Variants in NRG1 observed in about 807,000 individuals in gnomAD.
NRG1 encodes the protein pro-neuregulin-1, membrane-bound isoform.
NRG1 carries 18 observed loss-of-function variants against 63.8 expected under a neutral mutation model. The ratio of observed to expected loss-of-function variants is 0.28; its 90% CI spans 0.19 to 0.42. The LOEUF is 0.42. Ranked by LOEUF, NRG1 falls within the 10% of genes least tolerant of loss-of-function variation. The probability of loss-of-function intolerance (pLI) is 1.00; values close to 1 mark genes in which losing one functional copy is unlikely to be tolerated. For missense variants in NRG1, 762 were observed against 814.7 expected, an observed-to-expected ratio of 0.94 and a Z score of 0.79; for synonymous variants, 302 against 301.3, an observed-to-expected ratio of 1.00 and a Z score of -0.02.
At chr8:31,684,442 C>G (rs957658623) in intron 1 of NRG1, among the ~76,000 whole-genome samples, 5 of 152,180 alleles carry the variant, frequency 3.3e-5, no homozygotes, top group Admixed American at 1.3e-4. Context: ...GACATTAATT[C>G]TGCTGGGACC....
chr8:32,346,310 A>G lies in NRG1; in HGVS notation c.38-249518A>G, dbSNP rs1457319667. On this transcript the variant is annotated intron_variant, in intron 1 of 10. Coordinates refer to the NRG1 transcript ENST00000519301. ...TATATAAATTGTAGATACATAAATTATGTGTAAAATTCACATGAAAAACTC... is the reference window on the plus strand; with the variant it reads ...TATATAAATTGTAGATACATAAATTGTGTGTAAAATTCACATGAAAAACTC... Among the ~76,000 whole-genome samples the G allele has an allele frequency of 2.7e-5, 4 of 150,436 alleles. No homozygotes were observed. In the East Asian group the frequency reaches 7.8e-4, roughly 29 times the overall value.
intron 1 of NRG1, among the ~76,000 whole-genome samples, chr8:32,214,893 A>G (rs1023514577): frequency 1.3e-5 from 2 of 152,218 alleles, no homozygotes; most frequent in Non-Finnish European, 2.9e-5. Flanking sequence ...AATGGGAAAA[A>G]TGCATGGAAA....
At chr8:31,639,298 A>G (rs1361729596) in exon 1 of NRG1, 2 of 1,456,208 alleles carry the variant, frequency 1.4e-6, no homozygotes, top group East Asian at 5.0e-5. Context: ...CCGTCCTCCC[A>G]TTGCAGCACT....
chr8:32,666,082 T>G (rs1804083180), intron 5 of NRG1, among the ~76,000 whole-genome samples: 2 of 152,226 alleles, frequency 1.3e-5, no homozygotes, highest in South Asian at 4.1e-4. Context: ...TGAGCAATTC[T>G]TTTGCATTTG....
chr8:32,564,050 G>A (rs529126763), intron 1 of NRG1, among the ~76,000 whole-genome samples: 5 of 152,194 alleles, frequency 3.3e-5, no homozygotes, highest in Admixed American at 2.6e-4. Context: ...TGCTGTGATC[G>A]TCCCTGTGAA....
chr8:32,742,900 T>A lies in NRG1; in HGVS notation c.691+167T>A, dbSNP rs1826686291. On this transcript the variant is annotated intron_variant, in intron 7 of 11. Transcript: ENST00000356819. The surrounding 1 kb of genome is among the most constrained non-coding windows in gnomAD (Gnocchi z 4.2). ...GCATGAGAACATTAACAAAAGCAAT[T>A]GTATTACTTCCTCTGTTCGCGACTA... The A allele has an allele frequency of 3.3e-6, 5 of 1,531,316 alleles. No individual in the cohort carries two copies. The highest frequency in any genetic ancestry group is 4.4e-6 in the Non-Finnish European group (5 of 1,137,762). 94.9% of individuals were successfully genotyped at this position (1,531,316 alleles called of 1,614,324 possible).
At chr8:32,321,869 T>C (rs1457629823) in intron 1 of NRG1, among the ~76,000 whole-genome samples, 1 of 151,764 alleles carries the variant, frequency 6.6e-6, no homozygotes, top group African/African-American at 2.4e-5. Context: ...TTTTCTATTA[T>C]ATAAGCTAGA....
intron 1 of NRG1, among the ~76,000 whole-genome samples, chr8:32,079,717 T>C (rs1292774043): frequency 6.6e-6 from 1 of 152,174 alleles, no homozygotes; most frequent in Admixed American, 6.6e-5. Context: ...ACAGAATTTT[T>C]TTTTCCTTCA....
chr8:32,438,184 C>T (rs763308489), intron 1 of NRG1, among the ~76,000 whole-genome samples: 1 of 152,168 alleles, frequency 6.6e-6, no homozygotes, highest in East Asian at 1.9e-4. Flanking sequence ...CGTCTACTTC[C>T]TTTGCCCACC....
intron 1 of NRG1, among the ~76,000 whole-genome samples, chr8:32,594,280 C>T (rs1234193337): frequency 6.6e-6 from 1 of 152,090 alleles, no homozygotes; most frequent in Non-Finnish European, 1.5e-5. Flanking sequence ...GGTATAGACT[C>T]ATTTGCCTGG....
chr8:32,575,620 C>T (rs2466074), intron 1 of NRG1, among the ~76,000 whole-genome samples: 74,052 of 151,648 alleles, frequency 0.49, 18,381 homozygotes, highest in East Asian at 0.82. Flanking sequence ...TAATAATATC[C>T]CTGTGGGCAT....
intron 2 of NRG1, among the ~76,000 whole-genome samples, chr8:32,603,589 C>T (rs890720556): frequency 2.6e-5 from 4 of 152,096 alleles, no homozygotes; most frequent in Admixed American, 6.6e-5. Context: ...ATGATTCTCC[C>T]GCCTTAGTCT....
In NRG1 at chr8:32,404,688, A is replaced by C. The variant is rs57532086; in HGVS notation, c.38-191140A>C. On this transcript the variant is annotated intron_variant, in intron 1 of 10. Transcript: ENST00000519301. ...CAACCTCCACCTCCTGAGTTCAAGC[A>C]ATTCTCCTGCCTCAGCCTCCCTAGT... 6.4e-3 allele frequency among the ~76,000 whole-genome samples: 958 copies of C among 150,656 alleles called. 11 individuals are homozygous for C. The highest frequency in any genetic ancestry group is 0.022 in the African/African-American group (919 of 40,974).
intron 1 of NRG1, among the ~76,000 whole-genome samples, chr8:32,345,481 T>A (rs553516076): frequency 1.3e-5 from 2 of 152,134 alleles, no homozygotes; most frequent in African/African-American, 4.8e-5. Context: ...GCAGAGCAAT[T>A]AGACAGTTTG....
At chr8:32,387,515 G>A (rs1169016614) in intron 1 of NRG1, among the ~76,000 whole-genome samples, 1 of 152,184 alleles carries the variant, frequency 6.6e-6, no homozygotes, top group African/African-American at 2.4e-5. Context: ...GTGGTTGGAT[G>A]TGTTCTGAGC....
chr8:31,874,754 C>T (rs1030445307), intron 1 of NRG1, among the ~76,000 whole-genome samples: 63 of 151,972 alleles, frequency 4.1e-4, no homozygotes, highest in African/African-American at 1.4e-3. Context: ...CCACCCCAAC[C>T]CTCCCACTAT....
intron 1 of NRG1, among the ~76,000 whole-genome samples, chr8:31,771,186 TA>T (rs1586288175): frequency 6.6e-6 from 1 of 152,186 alleles, no homozygotes; most frequent in African/African-American, 2.4e-5. Context: ...TGGCAGCCAC[TA>T]ATCTCCATCA....
At chr8:32,466,837 A>C (rs1351457523) in intron 1 of NRG1, among the ~76,000 whole-genome samples, 3 of 152,046 alleles carry the variant, frequency 2.0e-5, no homozygotes, top group Admixed American at 2.0e-4. Flanking sequence ...TAACTCCTCT[A>C]TTCATATAAT....
At chr8:32,355,813 A>G (rs1439733361) in intron 1 of NRG1, among the ~76,000 whole-genome samples, 1 of 152,140 alleles carries the variant, frequency 6.6e-6, no homozygotes, top group Non-Finnish European at 1.5e-5. Context: ...GACTTGTAGT[A>G]CGGTACCTGG....
Sources: allele counts gnomAD v4.1 joint callset (sites outside exome capture counted in the v4.1 genomes callset), GRCh38; gene constraint gnomAD v4.1.1; non-coding constraint Gnocchi (gnomAD v3.1); transcripts MANE v1.5; gene names NCBI Gene and HGNC (gene_info 2026-07-23, HGNC 2026-07-21).